Variants in FBXO15 observed in about 807,000 individuals in gnomAD.
The protein encoded by FBXO15 is F-box protein 15.
FBXO15 carries 30 observed loss-of-function variants against 49.5 expected under a neutral mutation model. That is an observed-to-expected ratio of 0.61 (90% CI 0.45 to 0.82). The LOEUF (loss-of-function observed/expected upper bound fraction) is 0.82, where lower values mean the gene tolerates loss of function less well. Ranked by LOEUF, FBXO15 falls within the 40% of genes least tolerant of loss-of-function variation. FBXO15 has a pLI of 0.00. For synonymous variants in FBXO15, 250 were observed against 232.7 expected (o/e 1.07, Z -0.68); for missense variants, 591 against 631.5 (o/e 0.94, Z 0.69).
chr18:74,118,278 T>C (rs1490202223), intron 8 of FBXO15, among the ~76,000 whole-genome samples: 3 of 152,012 alleles, frequency 2.0e-5, no homozygotes, highest in Admixed American at 1.3e-4. Context: ...GGTACAAACA[T>C]GAGCCACCAC....
chr18:74,108,292 A>C (rs1913858428), intron 8 of FBXO15, among the ~76,000 whole-genome samples: 1 of 152,156 alleles, frequency 6.6e-6, no homozygotes, highest in Admixed American at 6.5e-5. Flanking sequence ...AGATAAAAAA[A>C]ATTTTTTAAA....
intron 8 of FBXO15, among the ~76,000 whole-genome samples, chr18:74,112,435 C>G (rs987241467): frequency 8.5e-5 from 13 of 152,130 alleles, no homozygotes; most frequent in Admixed American, 3.3e-4. Context: ...AGAAAAATCA[C>G]ATAAGCATAA....
chr18:74,078,362 A>C, intron 9 of FBXO15: 1 of 135,286 alleles, frequency 7.4e-6, no homozygotes, highest in South Asian at 2.8e-4. Flanking sequence ...AGCCTTTCCA[A>C]TGCCCCCCAG....
rs189354227 is a variant in FBXO15 at position 74,095,973 on chromosome 18, G to C, written c.1139-13922C>G. The stretch of plus-strand genomic sequence containing the variant: ...AGAAGTGAAAGACCCTGAGCAGATG[G>C]TGATAGAATTGGATTTCACATCTGT... On this transcript the variant is annotated intron_variant, in intron 8 of 9. Transcript: ENST00000419743. 9.2e-5 allele frequency among the ~76,000 whole-genome samples: 14 copies of C among 152,252 alleles called. No homozygotes were observed. The East Asian group carries it at 2.7e-3, about 29-fold the overall frequency.
At chr18:74,133,614 T>C (rs925312910) in intron 3 of FBXO15, among the ~76,000 whole-genome samples, 4 of 152,316 alleles carry the variant, frequency 2.6e-5, no homozygotes, top group Middle Eastern at 3.4e-3. Flanking sequence ...AAGGAATACT[T>C]GAGGCTGGGT....
At chr18:74,101,873 C>A (rs1261105043) in intron 8 of FBXO15, among the ~76,000 whole-genome samples, 1 of 152,040 alleles carries the variant, frequency 6.6e-6, no homozygotes, top group Non-Finnish European at 1.5e-5. Flanking sequence ...GGAAAGGATA[C>A]CCTATTCAAC....
rs570367527 is a variant in FBXO15, at chr18:74,134,683, T to C, written c.332+1079A>G. On this transcript the variant is annotated intron_variant, in intron 3 of 9. Coordinates refer to ENST00000419743, the MANE Select transcript of FBXO15 (RefSeq NM_001142958.2). ...GCGCCTGGCTGGAGAATTTTTAAAA[T>C]ACAGATTTCAGAGCACTAAATTATA... Among the ~76,000 whole-genome samples the C allele has an allele frequency of 3.3e-5, 5 of 152,248 alleles. 1 individual carries two copies. Among genetic ancestry groups the C allele is most frequent in the African/African-American group, 1.2e-4 (5 of 41,562 alleles).
intron 8 of FBXO15, among the ~76,000 whole-genome samples, chr18:74,117,246 C>T (rs9955208): frequency 0.086 from 13,059 of 152,172 alleles, 1,843 homozygotes; most frequent in African/African-American, 0.29. Flanking sequence ...CCTACTTTGT[C>T]ATCTTTTTAC....
intron 9 of FBXO15, among the ~76,000 whole-genome samples, chr18:74,077,943 C>T (rs1219255784): frequency 6.6e-6 from 1 of 152,158 alleles, no homozygotes; most frequent in African/African-American, 2.4e-5. Flanking sequence ...ACCAAACCCA[C>T]CAGCATAGAG....
chr18:74,102,046 T>C (rs1447169153), intron 8 of FBXO15, among the ~76,000 whole-genome samples: 1 of 151,638 alleles, frequency 6.6e-6, no homozygotes, highest in Non-Finnish European at 1.5e-5. Flanking sequence ...CTTCTAGACA[T>C]TGGCTTAGTC....
Position 74,079,898 on chromosome 18 carries a change from C to T in FBXO15, c.1263+2029G>A, listed in dbSNP as rs559006117. ...CACGACACAACTAGGCAGCATCCTC[C>T]GTCATTATCATTAATATTTTCTCAC... On this transcript the variant is annotated intron_variant, in intron 9 of 9. Transcript: ENST00000419743. 1.1e-4 allele frequency among the ~76,000 whole-genome samples: 16 copies of T among 152,288 alleles called. 1 individual carries two copies. In the South Asian group the frequency reaches 1.5e-3, roughly 14 times the overall value.
intron 8 of FBXO15, among the ~76,000 whole-genome samples, chr18:74,122,045 CAT>C (rs947451057): frequency 2.0e-5 from 3 of 152,202 alleles, no homozygotes; most frequent in Non-Finnish European, 2.9e-5. Flanking sequence ...ATTCCCACCA[CAT>C]GTTTCATATT....
chr18:74,129,647 C>T (rs764428805), intron 4 of FBXO15, 33 bp from the exon 5 acceptor site: 1 of 1,554,208 alleles, frequency 6.4e-7, no homozygotes, highest in Non-Finnish European at 8.7e-7. Context: ...ACAATGTTTG[C>T]CTCATTGAAA....
At chr18:74,092,725 C>A (rs1384257151) in intron 8 of FBXO15, among the ~76,000 whole-genome samples, 1 of 152,110 alleles carries the variant, frequency 6.6e-6, no homozygotes. Context: ...TGTTCTTTGA[C>A]CCCCCTCAGG....
At chr18:74,116,206 G>A (rs1238676202) in intron 8 of FBXO15, among the ~76,000 whole-genome samples, 2 of 152,166 alleles carry the variant, frequency 1.3e-5, no homozygotes, top group East Asian at 1.9e-4. Context: ...TTCAAAGTTT[G>A]TGGTACTGGT....
intron 2 of FBXO15, among the ~76,000 whole-genome samples, chr18:74,139,643 C>T (rs191015111): frequency 6.6e-6 from 1 of 152,352 alleles, no homozygotes; most frequent in Admixed American, 6.5e-5. Context: ...TGTAAAATGT[C>T]TCTCTGTGAT....
At chr18:74,108,298 T>C (rs1913859412) in intron 8 of FBXO15, among the ~76,000 whole-genome samples, 1 of 151,908 alleles carries the variant, frequency 6.6e-6, no homozygotes, top group Non-Finnish European at 1.5e-5. Flanking sequence ...AAAAAATTTT[T>C]TAAAAAAAGA....
intron 8 of FBXO15, among the ~76,000 whole-genome samples, chr18:74,103,512 CAAG>C (rs1913614761): frequency 1.3e-5 from 2 of 151,774 alleles, no homozygotes; most frequent in African/African-American, 4.9e-5. Context: ...TATCCAGGTA[CAAG>C]AATACTAGAC....
At chr18:74,079,199 A>G (rs1181892548) in intron 9 of FBXO15, among the ~76,000 whole-genome samples, 1 of 152,260 alleles carries the variant, frequency 6.6e-6, no homozygotes, top group Non-Finnish European at 1.5e-5. Context: ...AAGCCTCACC[A>G]AAAGAAAATC....
Sources: gnomAD v4.1 joint callset for allele counts (sites outside exome capture counted in the v4.1 genomes callset) on GRCh38, gnomAD v4.1.1 for gene constraint, MANE v1.5 for transcripts, NCBI Gene and HGNC (gene_info 2026-07-23, HGNC 2026-07-21) for gene names.